FAM149A: variants seen among roughly 807,000 people sequenced by gnomAD.
The protein encoded by FAM149A is protein FAM149A.
A neutral mutation model predicts 78.2 loss-of-function variants in FAM149A; 71 were observed. The ratio of observed to expected loss-of-function variants is 0.91; its 90% CI spans 0.75 to 1.11. The LOEUF is 1.11. Ranked by LOEUF, FAM149A falls within the 50% of genes least tolerant of loss-of-function variation. FAM149A has a pLI of 0.00. For synonymous variants in FAM149A, 446 were observed against 410.5 expected, an observed-to-expected ratio of 1.09 and a Z score of -1.04; for missense variants, 1,036 against 971.0, an observed-to-expected ratio of 1.07 and a Z score of -0.89.
intron 1 of FAM149A, chr4:186,147,102 G>C: frequency 1.9e-5 from 11 of 564,864 alleles, no homozygotes; most frequent in Non-Finnish European, 2.5e-5. Flanking sequence ...AGCAGTGAGA[G>C]GACAGTGCGG....
intron 1 of FAM149A, chr4:186,145,170 G>T: frequency 3.0e-6 from 3 of 983,766 alleles, no homozygotes; most frequent in Non-Finnish European, 3.6e-6. Flanking sequence ...CGATGTGCGC[G>T]GTGTTCTCCG....
In FAM149A at chr4:186,149,662, C is replaced by T; in HGVS notation, c.747C>T (p.Gly249=). Residue 249 remains glycine, a synonymous_variant, in exon 3 of 14, where the codon GGC becomes GGT. Transcript: ENST00000389354. ...CGGCCACACAGAGCTCTACCACCGG[C>T]TCATCCACGGAGAGGGGCTCCGTTT... 2.3e-6 allele frequency: 3 copies of T among 1,289,876 alleles called. No individual in the cohort carries two copies. Among genetic ancestry groups the T allele is most frequent in the Non-Finnish European group, 2.0e-6 (2 of 988,804 alleles). The allele number at this position is 1,289,876 out of a possible 1,614,324, so 79.9% of individuals were successfully genotyped here.
rs1733286170 is a variant in FAM149A at position 186,149,278 on chromosome 4, T to C, written c.672T>C (p.Tyr224=). 2 of 1,286,538 alleles carry C rather than the reference T, an allele frequency of 1.6e-6. No individual in the cohort carries two copies. The highest frequency in any genetic ancestry group is 2.0e-6 in the Non-Finnish European group (2 of 988,150). The allele number at this position is 1,286,538 out of a possible 1,614,324, so 79.7% of individuals were successfully genotyped here. A position where few individuals can be genotyped will look rare whatever the true frequency, so the allele number is the denominator to read the frequency against. The change falls in exon 2 of 14, where the codon TAT becomes TAC. Residue 224 remains tyrosine, a synonymous_variant. Coordinates refer to ENST00000389354, the MANE Select transcript of FAM149A (RefSeq NM_001367768.3). ...ATGTGCAGAAAGCCATTGATAAATA[T>C]ACCTGGTAAGAATTCACCTTGCTTC...
At chr4:186,107,916 A>C (rs2099309454) in intron 1 of FAM149A, among the ~76,000 whole-genome samples, 2 of 152,128 alleles carry the variant, frequency 1.3e-5, no homozygotes, top group African/African-American at 4.8e-5. Context: ...TCCTCTCATC[A>C]TACCCCACTC....
At chr4:186,136,976 T>TCTCTCTTTCTCTCTTTC (rs2099323291) in intron 1 of FAM149A, among the ~76,000 whole-genome samples, 5 of 72,092 alleles carry the variant, frequency 6.9e-5, no homozygotes, top group African/African-American at 3.1e-4. Context: ...CTCTCTCTCT[T>TCTCTCTTTCTCTCTTTC]TCTCTCTCTC....
chr4:186,146,889 C>T (rs898051246), intron 1 of FAM149A: 3 of 985,338 alleles, frequency 3.0e-6, no homozygotes, highest in Non-Finnish European at 3.6e-6. Context: ...CTAATTTCGT[C>T]TTCGCCGTTT....
intron 1 of FAM149A, among the ~76,000 whole-genome samples, chr4:186,137,346 G>A (rs2099323859): frequency 2.0e-5 from 3 of 151,886 alleles, no homozygotes; most frequent in African/African-American, 7.3e-5. Context: ...AGGTACATTG[G>A]TCTCTGGCTC....
chr4:186,125,201 CA>C, intron 1 of FAM149A: 1 of 961,566 alleles, frequency 1.0e-6, no homozygotes, highest in Non-Finnish European at 1.2e-6. Flanking sequence ...TGGCATCTCA[CA>C]AACCTTTTCC....
At chr4:186,158,024 C>A (rs1316431791) in intron 8 of FAM149A, 4 of 1,430,770 alleles carry the variant, frequency 2.8e-6, no homozygotes, top group Non-Finnish European at 3.7e-6. Context: ...AAAGGACGGA[C>A]CAGCGATGGC....
intron 1 of FAM149A, chr4:186,127,232 C>T (rs1334101797): frequency 7.3e-6 from 7 of 962,986 alleles, no homozygotes; most frequent in Non-Finnish European, 8.6e-6. Context: ...GAACTATTTT[C>T]ACCCTGCATG....
intron 5 of FAM149A, 93 bp from the exon 6 acceptor site, chr4:186,154,375 T>G: frequency 9.1e-7 from 1 of 1,098,090 alleles, no homozygotes; most frequent in South Asian, 1.8e-5. Context: ...ATTCTGTACT[T>G]TACAGATAAT....
At chr4:186,154,967 CT>C (rs35513834) in intron 6 of FAM149A, 25,120 of 798,460 alleles carry the variant, frequency 0.031, 2 homozygotes, top group Middle Eastern at 0.043. Flanking sequence ...GTATTTTGTT[CT>C]TTTTTTTTTT....
intron 1 of FAM149A, among the ~76,000 whole-genome samples, chr4:186,121,405 C>A (rs979979420): frequency 6.6e-6 from 1 of 152,000 alleles, no homozygotes; most frequent in African/African-American, 2.4e-5. Context: ...CATTTTGGAT[C>A]TTTTTTGACT....
At chr4:186,122,442 TATG>T (rs2099316471) in intron 1 of FAM149A, among the ~76,000 whole-genome samples, 1 of 152,216 alleles carries the variant, frequency 6.6e-6, no homozygotes, top group Non-Finnish European at 1.5e-5. Context: ...TTTCCTTAGA[TATG>T]ATAACAGTTT....
At position 186,105,137 on chromosome 4, in the gene FAM149A, G is replaced by A; in HGVS notation, c.61G>A (p.Ala21Thr). 7.8e-7 allele frequency: 1 copy of A among 1,280,308 alleles called. No individual in the cohort carries two copies. The highest frequency in any genetic ancestry group is 6.1e-5 in the East Asian group (1 of 16,458). 79.3% of individuals were successfully genotyped at this position (1,280,308 alleles called of 1,614,324 possible). ...GGCCAAACTCTTCGAGACCTCGACG[G>A]CGCCCCCCGCAGGCCCCTCCTCCAG... is the stretch of plus-strand genomic sequence containing the variant. Residue 21 changes from alanine (A) to threonine (T), a missense_variant, in exon 1 of 14, where the codon GCG (alanine) becomes ACG (threonine). Ala to Thr is a moderately conservative substitution (Grantham distance 58). Transcript: ENST00000389354.
intron 8 of FAM149A, chr4:186,158,397 G>A: frequency 8.4e-7 from 1 of 1,196,956 alleles, no homozygotes; most frequent in Non-Finnish European, 1.1e-6. Context: ...CAGTGGGCCT[G>A]AAGGGGTGGC....
chr4:186,159,943 C>G (rs796235796), intron 8 of FAM149A, among the ~76,000 whole-genome samples: 5 of 149,056 alleles, frequency 3.4e-5, no homozygotes, highest in African/African-American at 1.2e-4. Flanking sequence ...CACACACAGA[C>G]ACACACCACA....
At position 186,108,917 on chromosome 4, in the gene FAM149A, G is replaced by A. The variant is rs370256545; in HGVS notation, c.566+3275G>A. On this transcript the variant is annotated intron_variant, in intron 1 of 13. Coordinates refer to ENST00000389354, the MANE Select transcript of FAM149A (RefSeq NM_001367768.3). ...GGCTGGAGTGCAGTGGCGCGATCTC[G>A]GCTCACTGCAAGCTCCGCCTCCTGG... is the stretch of plus-strand genomic sequence containing the variant. Among the ~76,000 whole-genome samples, 418 of 149,414 alleles carry A rather than the reference G, an allele frequency of 2.8e-3. 7 individuals carry two copies. Among genetic ancestry groups the A allele is most frequent in the African/African-American group, 9.8e-3 (398 of 40,632 alleles).
rs1732853422 is a variant in FAM149A, at chr4:186,144,749, G to C, written c.567-4424G>C. On this transcript the variant is annotated intron_variant, in intron 1 of 13. Coordinates refer to ENST00000389354, the MANE Select transcript of FAM149A (RefSeq NM_001367768.3). This position sits in a 1 kb window ranked among gnomAD's most constrained non-coding sequence, Gnocchi z 4.2. ...GGGGCCGGGGCCGGGGCCGGGGCCCGGAGCGGGGATGGGCGGGCGCAGCCG... is the reference window on the plus strand; with the variant it reads ...GGGGCCGGGGCCGGGGCCGGGGCCCCGAGCGGGGATGGGCGGGCGCAGCCG... 1 of 913,200 alleles carries C rather than the reference G, an allele frequency of 1.1e-6. No homozygotes were observed. 56.6% of individuals were successfully genotyped at this position (913,200 alleles called of 1,614,324 possible).
Sources: allele counts gnomAD v4.1 joint callset (sites outside exome capture counted in the v4.1 genomes callset), GRCh38; gene constraint gnomAD v4.1.1; non-coding constraint Gnocchi (gnomAD v3.1); transcripts MANE v1.5; gene names NCBI Gene and HGNC (gene_info 2026-07-23, HGNC 2026-07-21).